UBAP2: variants seen among roughly 807,000 people sequenced by gnomAD.
UBAP2 encodes ubiquitin-associated protein 2.
A neutral mutation model predicts 139.6 loss-of-function variants in UBAP2; 75 were observed. The ratio of observed to expected loss-of-function variants is 0.54; its 90% CI spans 0.45 to 0.65. The LOEUF (loss-of-function observed/expected upper bound fraction) is 0.65, where lower values mean the gene tolerates loss of function less well. Among genes scored for constraint, UBAP2 ranks in the 30% least tolerant of loss-of-function variants. The pLI, the probability that UBAP2 is intolerant of heterozygous loss-of-function variation, is 0.00. For synonymous variants in UBAP2, 526 were observed against 526.2 expected, an observed-to-expected ratio of 1.00 and a Z score of 0.01; for missense variants, 1,368 against 1,369.6, an observed-to-expected ratio of 1.00 and a Z score of 0.02.
intron 6 of UBAP2, among the ~76,000 whole-genome samples, chr9:33,983,570 A>C (rs947411145): frequency 6.6e-6 from 1 of 152,202 alleles, no homozygotes; most frequent in African/African-American, 2.4e-5. Context: ...CGTTGGTCTT[A>C]TACTGTGACC....
At chr9:33,998,001 T>C (rs542652080) in intron 3 of UBAP2, 37 of 152,320 alleles carry the variant, frequency 2.4e-4, no homozygotes, top group African/African-American at 8.9e-4. Flanking sequence ...AAAGAAGAGT[T>C]AGAAATTAAG....
chr9:33,933,733 T>A, intron 17 of UBAP2, 105 bp from the exon 18 acceptor site: 1 of 1,490,736 alleles, frequency 6.7e-7, no homozygotes, highest in South Asian at 1.3e-5. Flanking sequence ...CAGCCTCAGT[T>A]GAGACGTCCA....
At chr9:33,967,947 ACATAT>A (rs1827593643) in intron 8 of UBAP2, 1 of 214,660 alleles carries the variant, frequency 4.7e-6, no homozygotes, top group African/African-American at 2.3e-5. Context: ...TGTTTTCACT[ACATAT>A]TTCTTTACTG....
chr9:33,981,133 TATATTCTGG>T (rs1288876596), intron 6 of UBAP2, among the ~76,000 whole-genome samples: 1 of 23,660 alleles, frequency 4.2e-5, no homozygotes, highest in Non-Finnish European at 8.3e-5. Context: ...TATATATATA[TATATTCTGG>T]ATATATATAT....
chr9:34,020,446 T>G (rs1171090900), intron 1 of UBAP2, among the ~76,000 whole-genome samples: 1 of 151,876 alleles, frequency 6.6e-6, no homozygotes, highest in East Asian at 2.0e-4. Context: ...TGTCTCAGCC[T>G]CCCGAATAAC....
At chr9:33,999,325 A>T (rs552661244) in intron 2 of UBAP2, among the ~76,000 whole-genome samples, 64 of 142,994 alleles carry the variant, frequency 4.5e-4, no homozygotes, top group African/African-American at 1.5e-3. Flanking sequence ...TAAAAAGATT[A>T]AAAAAAAAAA....
intron 16 of UBAP2, among the ~76,000 whole-genome samples, chr9:33,937,599 CAAAAAA>C (rs1185167927): frequency 0.031 from 2,679 of 85,516 alleles, 34 homozygotes; most frequent in Non-Finnish European, 0.044. Flanking sequence ...GACTCTGTCT[CAAAAAA>C]AAAAAAAAAA....
Position 33,922,519 on chromosome 9 carries a change from T to C in UBAP2, c.3345A>G (p.Pro1115=). Residue 1115 remains proline (P), a synonymous_variant, in exon 29 of 29, where the codon CCA becomes CCG. Coordinates refer to ENST00000379238, the MANE Select transcript of UBAP2 (RefSeq NM_001370062.2). ...TCTTCTGGGTTTAGTTTGTCCAGTA[T>C]GGAGAGTTGCCGTAGGCAGGTTTGG... is the stretch of plus-strand genomic sequence containing the variant. ...QASKPAYGNS[P]YWTN is the part of the protein sequence containing the mutation. 6.2e-7 allele frequency: 1 copy of C among 1,613,916 alleles called. No homozygotes were observed. Among genetic ancestry groups the C allele is most frequent in the Non-Finnish European group, 8.5e-7 (1 of 1,179,954 alleles).
chr9:34,038,488 T>TTGGCC (rs1826674130), intron 1 of UBAP2, among the ~76,000 whole-genome samples: 2 of 152,210 alleles, frequency 1.3e-5, no homozygotes, highest in Admixed American at 1.3e-4. Context: ...TTTCGCTGTG[T>TTGGCC]TGGCCGGGCT....
intron 2 of UBAP2, among the ~76,000 whole-genome samples, chr9:34,013,878 A>G (rs1823997427): frequency 6.7e-6 from 1 of 149,832 alleles, no homozygotes; most frequent in Non-Finnish European, 1.5e-5. Context: ...CTCCATCTCA[A>G]AAAAAAAAAG....
intron 6 of UBAP2, among the ~76,000 whole-genome samples, chr9:33,985,400 A>C (rs1181829663): frequency 1.3e-5 from 2 of 152,228 alleles, no homozygotes; most frequent in Non-Finnish European, 2.9e-5. Flanking sequence ...CAATATTCAC[A>C]AATATAGAGA....
At chr9:34,029,080 C>T (rs552142550) in intron 1 of UBAP2, among the ~76,000 whole-genome samples, 4 of 152,042 alleles carry the variant, frequency 2.6e-5, no homozygotes, top group Non-Finnish European at 5.9e-5. Context: ...CATGTCACCG[C>T]ACTCCAGACT....
At chr9:34,006,238 GAA>G (rs796874509) in intron 2 of UBAP2, among the ~76,000 whole-genome samples, 2 of 81,942 alleles carry the variant, frequency 2.4e-5, no homozygotes, top group Non-Finnish European at 5.3e-5. Flanking sequence ...ATCTCAAAAA[GAA>G]AAAAAAAAAA....
chr9:33,993,201 A>G (rs191929267), intron 4 of UBAP2, among the ~76,000 whole-genome samples: 1 of 152,340 alleles, frequency 6.6e-6, no homozygotes, highest in African/African-American at 2.4e-5. Flanking sequence ...CACCTTTTCC[A>G]AGTAATAATT....
chr9:33,980,207 C>T (rs1198746822), intron 6 of UBAP2, among the ~76,000 whole-genome samples: 1 of 137,024 alleles, frequency 7.3e-6, no homozygotes, highest in East Asian at 2.1e-4. Context: ...AATCCAAATC[C>T]TGAGTGTCAT....
At chr9:33,992,647 T>C (rs1336523647) in intron 4 of UBAP2, among the ~76,000 whole-genome samples, 1 of 51,500 alleles carries the variant, frequency 1.9e-5, no homozygotes, top group African/African-American at 6.6e-5. Flanking sequence ...CAAAGACAAC[T>C]TATCGGGCGG....
At chr9:34,005,471 A>G (rs1271232856) in intron 2 of UBAP2, among the ~76,000 whole-genome samples, 3 of 151,744 alleles carry the variant, frequency 2.0e-5, no homozygotes, top group African/African-American at 7.2e-5. Flanking sequence ...TGATAAAAGA[A>G]TAACATATCT....
rs1401152200 is a variant in UBAP2, at chr9:33,939,895, A to G, written c.1929+1754T>C. ...AGGAGGGGAGGAGGAGGAGGAGGGG[A>G]GGAGGAGGAGGATGGGGAGGAGAAG... On this transcript the variant is annotated intron_variant, in intron 16 of 28. Transcript: ENST00000379238. Among the ~76,000 whole-genome samples, 3 of 3,908 alleles carry G rather than the reference A, an allele frequency of 7.7e-4. 1 individual carries two copies. Among genetic ancestry groups the G allele is most frequent in the Non-Finnish European group, 1.5e-3 (3 of 1,970 alleles). The allele number at this position is 3,908 out of a possible 152,430, so 2.6% of individuals were successfully genotyped here.
Position 33,939,956 on chromosome 9 carries a change from GGAA to G in UBAP2, c.1929+1690_1929+1692del, listed in dbSNP as rs545275852. Among the ~76,000 whole-genome samples the G allele has an allele frequency of 1.1e-3, 130 of 120,774 alleles. 2 individuals are homozygous for G. Among genetic ancestry groups the G allele is most frequent in the African/African-American group, 3.6e-3 (107 of 29,328 alleles). The allele number at this position is 120,774 out of a possible 152,430, so 79.2% of individuals were successfully genotyped here. On this transcript the variant is annotated intron_variant, in intron 16 of 28. Transcript: ENST00000379238. ...GGAAGAAGAAGAAAGAGGGAAGGAA[GGAA>G]GAAGAAGAAAAAATAAGGTAGGAGG...
Sources: gnomAD v4.1 joint callset for allele counts (sites outside exome capture counted in the v4.1 genomes callset) on GRCh38, gnomAD v4.1.1 for gene constraint, MANE v1.5 for transcripts, NCBI Gene and HGNC (gene_info 2026-07-23, HGNC 2026-07-21) for gene names.